Variants in MED20 observed in about 807,000 individuals in gnomAD.
MED20 encodes mediator complex subunit 20.
MED20 carries 19 observed loss-of-function variants against 19.7 expected under a neutral mutation model. The observed-to-expected ratio is 0.96, with a 90% CI of 0.67 to 1.42. MED20 has a LOEUF of 1.42. MED20 is among the 40% of genes most tolerant of loss of function. The pLI is 0.00. For missense variants in MED20, 225 were observed against 273.0 expected, an observed-to-expected ratio of 0.82 and a Z score of 1.24; for synonymous variants, 105 against 104.8, an observed-to-expected ratio of 1.00 and a Z score of -0.01.
At chr6:41,918,181 T>G (rs547060198) in intron 1 of MED20, among the ~76,000 whole-genome samples, 2 of 152,278 alleles carry the variant, frequency 1.3e-5, no homozygotes, top group Admixed American at 1.3e-4. Flanking sequence ...GATAGTCCTA[T>G]GAAGGTGTGT....
intron 3 of MED20, 30 bp from the exon 4 acceptor site, chr6:41,907,317 T>C (rs1775081677): frequency 6.3e-7 from 1 of 1,580,184 alleles, no homozygotes. Flanking sequence ...AGAATGAGGG[T>C]GAATGAAGGC....
At position 41,921,117 on chromosome 6, in the gene MED20, C is replaced by G. The variant is rs1241868123; in HGVS notation, c.-99G>C. 2.7e-6 allele frequency: 4 copies of G among 1,472,076 alleles called. No individual in the cohort carries two copies. Among genetic ancestry groups the G allele is most frequent in the South Asian group, 1.2e-5 (1 of 83,672 alleles). 91.2% of individuals were successfully genotyped at this position (1,472,076 alleles called of 1,614,324 possible). On this transcript the variant is annotated 5_prime_UTR_variant, in exon 1 of 4. Coordinates refer to ENST00000265350, the MANE Select transcript of MED20 (RefSeq NM_004275.5). ...TCAGTTCCCCAACACAACCTTCTGT[C>G]TCAGAAGGGACTCCGGAAATACGTA...
At chr6:41,918,166 C>T (rs987700211) in intron 1 of MED20, among the ~76,000 whole-genome samples, 2 of 152,196 alleles carry the variant, frequency 1.3e-5, no homozygotes, top group Admixed American at 1.3e-4. Context: ...TCTCCAAATC[C>T]TCACGATAGT....
intron 2 of MED20, among the ~76,000 whole-genome samples, chr6:41,916,307 C>A (rs1309740460): frequency 6.6e-6 from 1 of 151,054 alleles, no homozygotes; most frequent in Non-Finnish European, 1.5e-5. Context: ...TGGCCGGGCA[C>A]AGTGGCTCAC....
At chr6:41,915,615 G>A (rs568428924) in intron 2 of MED20, among the ~76,000 whole-genome samples, 1 of 152,248 alleles carries the variant, frequency 6.6e-6, no homozygotes, top group South Asian at 2.1e-4. Flanking sequence ...GTGAAACCCC[G>A]TCTCTACTAA....
intron 2 of MED20, among the ~76,000 whole-genome samples, chr6:41,914,599 G>A (rs901186356): frequency 6.0e-5 from 9 of 149,742 alleles, no homozygotes; most frequent in Non-Finnish European, 3.0e-5. Context: ...AGACAAACAA[G>A]TTCCCTAACT....
In MED20 at chr6:41,909,389, A is replaced by G. The variant is rs774890183; in HGVS notation, c.303T>C (p.Phe101=). The change falls in exon 3 of 4, where the codon TTT becomes TTC. Residue 101 remains phenylalanine, a synonymous_variant. Transcript: ENST00000265350. The part of the protein sequence containing the change: ...FDVLMVKLKG[F]FQSAKASKIE... ...TCTTGCTGGCCTTAGCACTCTGGAA[A>G]AAGCCCTTGAGCTTCACCATAAGCA... The G allele has an allele frequency of 6.2e-7, 1 of 1,614,212 alleles. No individual in the cohort carries two copies. Among genetic ancestry groups the G allele is most frequent in the Non-Finnish European group, 8.5e-7 (1 of 1,180,036 alleles).
chr6:41,915,381 C>T (rs559719141), intron 2 of MED20, among the ~76,000 whole-genome samples: 1 of 152,292 alleles, frequency 6.6e-6, no homozygotes, highest in South Asian at 2.1e-4. Flanking sequence ...GTAGTTTCAG[C>T]TACTCAGGAG....
At chr6:41,915,870 G>A (rs541425898) in intron 2 of MED20, among the ~76,000 whole-genome samples, 14 of 152,210 alleles carry the variant, frequency 9.2e-5, no homozygotes, top group African/African-American at 3.1e-4. Flanking sequence ...TTTGGTGATA[G>A]TATCATAGGT....
At chr6:41,909,089 A>C in intron 3 of MED20, 180 bp downstream of exon 3, 1 of 745,306 alleles carries the variant, frequency 1.3e-6, no homozygotes, top group Non-Finnish European at 2.1e-6. Flanking sequence ...CGGAAGGATC[A>C]CTTGAGCCCT....
chr6:41,909,634 A>C, intron 2 of MED20, 112 bp from the exon 3 acceptor site: 2 of 1,480,516 alleles, frequency 1.4e-6, no homozygotes, highest in Non-Finnish European at 1.8e-6. Context: ...GCACTACCTC[A>C]GCAGTTCTTG....
intron 2 of MED20, among the ~76,000 whole-genome samples, chr6:41,913,948 AACTT>A (rs1333766215): frequency 6.6e-6 from 1 of 152,222 alleles, no homozygotes; most frequent in African/African-American, 2.4e-5. Flanking sequence ...TGTATGTATT[AACTT>A]ACTTAGCACA....
chr6:41,909,369 C>T lies in MED20; in HGVS notation c.323G>A (p.Ser108Asn), dbSNP rs1310703611. The T allele has an allele frequency of 6.2e-7, 1 of 1,614,174 alleles. No homozygotes were observed. Among genetic ancestry groups the T allele is most frequent in the South Asian group, 1.1e-5 (1 of 91,088 alleles). ...LKGFFQSAKASKIETRGTRYQ... is the reference protein window; with the variant it reads ...LKGFFQSAKANKIETRGTRYQ... ...CCTGGTGCCCCGGGTCTCAATCTTGCTGGCCTTAGCACTCTGGAAAAAGCC... is the reference window on the plus strand; with the variant it reads ...CCTGGTGCCCCGGGTCTCAATCTTGTTGGCCTTAGCACTCTGGAAAAAGCC... The change falls in exon 3 of 4, where the codon AGC (serine) becomes AAC (asparagine). Residue 108 changes from serine to asparagine, a missense_variant. Coordinates refer to ENST00000265350, the MANE Select transcript of MED20 (RefSeq NM_004275.5).
chr6:41,916,109 G>A (rs1343884368), intron 2 of MED20, among the ~76,000 whole-genome samples: 2 of 151,734 alleles, frequency 1.3e-5, no homozygotes, highest in Non-Finnish European at 1.5e-5. Flanking sequence ...TTAGCCAGGC[G>A]TGGTGGCTCA....
chr6:41,915,332 A>C (rs1249684410), intron 2 of MED20, among the ~76,000 whole-genome samples: 1 of 151,564 alleles, frequency 6.6e-6, no homozygotes, highest in Admixed American at 6.6e-5. Context: ...GACCACACCC[A>C]AAAGTAAAAA....
At chr6:41,919,309 T>C (rs1672975727) in intron 1 of MED20, among the ~76,000 whole-genome samples, 1 of 152,060 alleles carries the variant, frequency 6.6e-6, no homozygotes, top group African/African-American at 2.4e-5. Context: ...TAGTGCCTGT[T>C]AAAACATTAA....
intron 1 of MED20, chr6:41,917,669 A>C (rs2127380847): frequency 2.3e-6 from 1 of 432,864 alleles, no homozygotes; most frequent in East Asian, 7.3e-5. Flanking sequence ...CAAAGATTCT[A>C]GATGACACAC....
chr6:41,908,277 T>C (rs1775106308), intron 3 of MED20, among the ~76,000 whole-genome samples: 1 of 152,168 alleles, frequency 6.6e-6, no homozygotes, highest in South Asian at 2.1e-4. Flanking sequence ...ATCACAAATT[T>C]TCAAAGGGTA....
intron 2 of MED20, 68 bp from the exon 3 acceptor site, chr6:41,909,590 G>A (rs145611945): frequency 6.3e-7 from 1 of 1,576,510 alleles, no homozygotes; most frequent in African/African-American, 1.3e-5. Context: ...AGAGTCAAAT[G>A]ACTCCCCCCG....
Sources: gnomAD v4.1 joint callset for allele counts (sites outside exome capture counted in the v4.1 genomes callset) on GRCh38, gnomAD v4.1.1 for gene constraint, MANE v1.5 for transcripts, NCBI Gene and HGNC (gene_info 2026-07-23, HGNC 2026-07-21) for gene names.